Variants in PKNOX2 observed in about 807,000 individuals in gnomAD.
PKNOX2 encodes the protein PBX/knotted 1 homeobox 2, also known as homeobox protein PKNOX2.
Under a neutral mutation model 53.1 loss-of-function variants are expected in PKNOX2, and 14 were observed. The observed-to-expected ratio is 0.26, with a 90% confidence interval of 0.17 to 0.41. PKNOX2 has a LOEUF of 0.41. Among genes scored for constraint, PKNOX2 ranks in the 10% least tolerant of loss-of-function variants. The probability of loss-of-function intolerance (pLI) is 1.00; values close to 1 mark genes in which losing one functional copy is unlikely to be tolerated. For synonymous variants in PKNOX2, 257 were observed against 242.8 expected, an observed-to-expected ratio of 1.06 and a Z score of -0.54; for missense variants, 496 against 602.8, an observed-to-expected ratio of 0.82 and a Z score of 1.85.
intron 3 of PKNOX2, among the ~76,000 whole-genome samples, chr11:125,342,164 A>C (rs1180300467): frequency 1.4e-5 from 2 of 147,460 alleles, no homozygotes; most frequent in African/African-American, 5.0e-5. Context: ...CTGACTCTTG[A>C]CTTTTTTTTT....
chr11:125,237,246 A>G (rs1942771547), intron 2 of PKNOX2, among the ~76,000 whole-genome samples: 1 of 152,196 alleles, frequency 6.6e-6, no homozygotes, highest in Non-Finnish European at 1.5e-5. Context: ...AAGAGACAGT[A>G]AAAGCCAAGT....
chr11:125,295,365 T>C (rs533861677), intron 2 of PKNOX2, among the ~76,000 whole-genome samples: 52 of 152,348 alleles, frequency 3.4e-4, no homozygotes, highest in African/African-American at 1.3e-3. Flanking sequence ...TCTAGGGATA[T>C]ATAGATTTGA....
At chr11:125,275,538 G>A (rs748980223) in intron 2 of PKNOX2, among the ~76,000 whole-genome samples, 1 of 152,164 alleles carries the variant, frequency 6.6e-6, no homozygotes, top group Non-Finnish European at 1.5e-5. Context: ...GGAGTAAAGG[G>A]GGCTGGTGGA....
At chr11:125,409,182 A>G (rs1168746763) in intron 7 of PKNOX2, among the ~76,000 whole-genome samples, 2 of 152,038 alleles carry the variant, frequency 1.3e-5, no homozygotes, top group Non-Finnish European at 1.5e-5. Context: ...CCCACATCCT[A>G]TTCCTTCCTC....
At chr11:125,401,826 G>T (rs1954775161) in intron 7 of PKNOX2, among the ~76,000 whole-genome samples, 1 of 151,966 alleles carries the variant, frequency 6.6e-6, no homozygotes, top group Non-Finnish European at 1.5e-5. Flanking sequence ...CATTCGTCAT[G>T]GTTCACCCTT....
intron 2 of PKNOX2, among the ~76,000 whole-genome samples, chr11:125,300,093 G>C (rs973354358): frequency 5.3e-5 from 8 of 152,342 alleles, no homozygotes; most frequent in Middle Eastern, 3.4e-3. Context: ...TCTGGCCTTC[G>C]GGGCCGTGTG....
chr11:125,343,616 A>T (rs1007873010), intron 3 of PKNOX2, among the ~76,000 whole-genome samples: 3 of 152,178 alleles, frequency 2.0e-5, no homozygotes, highest in African/African-American at 7.2e-5. Flanking sequence ...CGGTAGGAAG[A>T]TCTAATGGAC....
intron 2 of PKNOX2, among the ~76,000 whole-genome samples, chr11:125,316,656 A>T (rs1233061018): frequency 1.3e-5 from 2 of 152,238 alleles, no homozygotes; most frequent in Non-Finnish European, 2.9e-5. Context: ...ATTATGCCTT[A>T]AAAAACAACA....
intron 1 of PKNOX2, among the ~76,000 whole-genome samples, chr11:125,179,153 C>T (rs934141024): frequency 5.9e-5 from 9 of 152,060 alleles, no homozygotes; most frequent in African/African-American, 2.2e-4. Flanking sequence ...TTCACTTATT[C>T]CTCAAGTATT....
intron 2 of PKNOX2, among the ~76,000 whole-genome samples, chr11:125,294,323 T>C (rs1352036588): frequency 6.6e-6 from 1 of 152,178 alleles, no homozygotes; most frequent in African/African-American, 2.4e-5. Context: ...TTATGGAGCT[T>C]GGCGAAAAGG....
chr11:125,426,216 C>T (rs1956406930), intron 10 of PKNOX2, among the ~76,000 whole-genome samples: 1 of 152,162 alleles, frequency 6.6e-6, no homozygotes, highest in Non-Finnish European at 1.5e-5. Context: ...AATATAAGTC[C>T]CAGTGCAAGG....
chr11:125,307,013 C>G (rs1047991446), intron 2 of PKNOX2, among the ~76,000 whole-genome samples: 2 of 152,196 alleles, frequency 1.3e-5, no homozygotes, highest in Non-Finnish European at 2.9e-5. Flanking sequence ...GGGCCCAGCA[C>G]ACTTTATACT....
chr11:125,334,685 G>C (rs1165787482), intron 3 of PKNOX2, among the ~76,000 whole-genome samples: 2 of 150,406 alleles, frequency 1.3e-5, no homozygotes, highest in Non-Finnish European at 3.0e-5. Flanking sequence ...TGCAACCTCT[G>C]CCTTCCAGGC....
At chr11:125,207,687 C>A (rs1239819746) in intron 1 of PKNOX2, among the ~76,000 whole-genome samples, 1 of 151,894 alleles carries the variant, frequency 6.6e-6, no homozygotes, top group Non-Finnish European at 1.5e-5. Context: ...GCTACTGGCA[C>A]CTGGGGAGAG....
intron 1 of PKNOX2, among the ~76,000 whole-genome samples, chr11:125,199,366 G>A (rs986014082): frequency 1.1e-4 from 16 of 152,258 alleles, no homozygotes; most frequent in African/African-American, 3.1e-4. Context: ...AACATTCCTC[G>A]GTTCTCACCT....
At chr11:125,276,860 A>G (rs60465757) in intron 2 of PKNOX2, among the ~76,000 whole-genome samples, 16,080 of 152,130 alleles carry the variant, frequency 0.11, 2,719 homozygotes, top group African/African-American at 0.35. Flanking sequence ...AGCTGCTCTG[A>G]TACAGACCCT....
chr11:125,180,246 C>T (rs983161921), intron 1 of PKNOX2, among the ~76,000 whole-genome samples: 1 of 152,188 alleles, frequency 6.6e-6, no homozygotes, highest in African/African-American at 2.4e-5. Flanking sequence ...TTTGTCCCCT[C>T]CCTGGCTCTC....
At chr11:125,276,454 C>T (rs1376955538) in intron 2 of PKNOX2, among the ~76,000 whole-genome samples, 16 of 152,082 alleles carry the variant, frequency 1.1e-4, no homozygotes, top group South Asian at 4.1e-4. Context: ...TGAAATGGCA[C>T]GGGAGAATGG....
chr11:125,291,941 G>T (rs1193554516), intron 2 of PKNOX2, among the ~76,000 whole-genome samples: 1 of 152,180 alleles, frequency 6.6e-6, no homozygotes, highest in Non-Finnish European at 1.5e-5. Context: ...GATTTAAAGG[G>T]TGCAGAGTTT....
Sources: allele counts gnomAD v4.1 joint callset (sites outside exome capture counted in the v4.1 genomes callset), GRCh38; gene constraint gnomAD v4.1.1; transcripts MANE v1.5; gene names NCBI Gene and HGNC (gene_info 2026-07-23, HGNC 2026-07-21).